Variants in PSMC4 observed in about 807,000 individuals in gnomAD.
The protein encoded by PSMC4 is proteasome 26S subunit, ATPase 4.
PSMC4 carries 13 observed loss-of-function variants against 48.4 expected under a neutral mutation model. The ratio of observed to expected loss-of-function variants is 0.27; its 90% CI spans 0.18 to 0.43. PSMC4 has a LOEUF of 0.43. Ranked by LOEUF, PSMC4 falls within the 20% of genes least tolerant of loss-of-function variation. PSMC4 has a pLI of 1.00. For synonymous variants in PSMC4, 202 were observed against 212.3 expected (o/e 0.95, Z 0.42); for missense variants, 262 against 555.9 (o/e 0.47, Z 5.32).
chr19:39,976,881 ACT>A, intron 6 of PSMC4, among the ~76,000 whole-genome samples: 2 of 89,976 alleles, frequency 2.2e-5, no homozygotes, highest in South Asian at 3.2e-4. Context: ...ACAGAGTCTC[ACT>A]CTGTAGCCCA....
intron 6 of PSMC4, among the ~76,000 whole-genome samples, chr19:39,976,202 A>G (rs1568375628): frequency 6.7e-6 from 1 of 148,218 alleles, no homozygotes; most frequent in East Asian, 2.0e-4. Context: ...ACGCCACTGT[A>G]CTCCAGCCTG....
At chr19:39,971,626 C>A (rs959121272) in intron 1 of PSMC4, among the ~76,000 whole-genome samples, 1 of 152,068 alleles carries the variant, frequency 6.6e-6, no homozygotes, top group African/African-American at 2.4e-5. Flanking sequence ...ATGTTCAGGG[C>A]TTTGCTGATG....
At chr19:39,979,754 T>C in intron 6 of PSMC4, 63 bp from the exon 7 acceptor site, 1 of 1,480,304 alleles carries the variant, frequency 6.8e-7, no homozygotes, top group Non-Finnish European at 9.0e-7. Flanking sequence ...GCAGTTTCTG[T>C]TAAAGCAGAA....
At position 39,980,052 on chromosome 19, in the gene PSMC4, T is replaced by C. The variant is rs747349631; in HGVS notation, c.842-18T>C. 1 of 1,614,076 alleles carries C rather than the reference T, an allele frequency of 6.2e-7. No individual in the cohort carries two copies. Among genetic ancestry groups the C allele is most frequent in the South Asian group, 1.1e-5 (1 of 91,072 alleles). On this transcript the variant is annotated intron_variant, in intron 7 of 10. Transcript: ENST00000157812. This position sits in a 1 kb window ranked among gnomAD's most constrained non-coding sequence, Gnocchi z 4.8. ...GTCGCATGGGATGCCTGGGACTGAC[T>C]GTGCTGTGCACTCTCAGCCGACAGG...
chr19:39,973,581 TAAAAAAAAAAA>T (rs11320252), intron 3 of PSMC4, among the ~76,000 whole-genome samples: 4 of 96,996 alleles, frequency 4.1e-5, no homozygotes, highest in African/African-American at 1.2e-4. Context: ...ACACTCTGTC[TAAAAAAAAAAA>T]AAAAAAAAAA....
In PSMC4 at chr19:39,980,528, G is replaced by A; in HGVS notation, c.1087+74G>A. ...TAGATCTTCAGCTCAACTTCTGCCAGCACCACAGCCCAGACTGTGCAGGTG... is the reference window on the plus strand; with the variant it reads ...TAGATCTTCAGCTCAACTTCTGCCAACACCACAGCCCAGACTGTGCAGGTG... On this transcript the variant is annotated intron_variant, in intron 9 of 10. Transcript: ENST00000157812. The surrounding 1 kb of genome is among the most constrained non-coding windows in gnomAD (Gnocchi z 4.8). 4 of 1,595,690 alleles carry A rather than the reference G, an allele frequency of 2.5e-6. No homozygotes were observed. The highest frequency in any genetic ancestry group is 3.4e-6 in the Non-Finnish European group (4 of 1,164,930).
intron 6 of PSMC4, among the ~76,000 whole-genome samples, chr19:39,976,134 G>T (rs1313682225): frequency 6.6e-6 from 1 of 151,618 alleles, no homozygotes; most frequent in Non-Finnish European, 1.5e-5. Context: ...CTACTTGGGA[G>T]GCTGAGGCAG....
intron 3 of PSMC4, among the ~76,000 whole-genome samples, chr19:39,972,925 T>G (rs1971127965): frequency 6.6e-6 from 1 of 151,980 alleles, no homozygotes; most frequent in Non-Finnish European, 1.5e-5. Flanking sequence ...TTTGTATTAT[T>G]AGTAGAGACA....
chr19:39,976,246 T>A (rs12983811), intron 6 of PSMC4, among the ~76,000 whole-genome samples: 1,620 of 128,072 alleles, frequency 0.013, 11 homozygotes, highest in South Asian at 0.032. Context: ...CCAAAAAAAA[T>A]ATATATATAT....
At position 39,971,175 on chromosome 19, in the gene PSMC4, A is replaced by G. The variant is rs1314832871; in HGVS notation, c.-28A>G. 5.0e-6 allele frequency: 8 copies of G among 1,613,650 alleles called. No homozygotes were observed. In the Admixed American group the frequency reaches 1.3e-4, roughly 27 times the overall value. The stretch of plus-strand genomic sequence containing the variant: ...AGCGGAAGCGGTGACAGATCATCCC[A>G]GGCCACACAGAGGCCGGCTTGGTCA... On this transcript the variant is annotated 5_prime_UTR_variant, in exon 1 of 11. Coordinates refer to ENST00000157812, the MANE Select transcript of PSMC4 (RefSeq NM_006503.4).
At chr19:39,977,861 A>G (rs1406614040) in intron 6 of PSMC4, among the ~76,000 whole-genome samples, 1 of 151,346 alleles carries the variant, frequency 6.6e-6, no homozygotes, top group Admixed American at 6.6e-5. Flanking sequence ...TCTGTCACCC[A>G]GGCTGGAGTG....
intron 1 of PSMC4, 52 bp downstream of exon 1, chr19:39,971,290 G>T (rs757236617): frequency 3.7e-6 from 6 of 1,610,906 alleles, no homozygotes; most frequent in Non-Finnish European, 5.1e-6. Context: ...CGGGGAGAGG[G>T]TGAAGCCAGA....
At chr19:39,973,086 C>T (rs758799993) in intron 3 of PSMC4, among the ~76,000 whole-genome samples, 4 of 152,184 alleles carry the variant, frequency 2.6e-5, no homozygotes, top group Non-Finnish European at 5.9e-5. Context: ...GTATCTGTCT[C>T]TTACTTTTTA....
chr19:39,975,429 G>A (rs1331547751), intron 6 of PSMC4, among the ~76,000 whole-genome samples: 2 of 151,760 alleles, frequency 1.3e-5, no homozygotes, highest in East Asian at 1.9e-4. Flanking sequence ...CTTATTGTAG[G>A]TGCCAGACAA....
Position 39,980,827 on chromosome 19 carries a change from GC to G in PSMC4, c.1143+112del, listed in dbSNP as rs1442205599. 19 of 1,082,516 alleles carry G rather than the reference GC, an allele frequency of 1.8e-5. No individual in the cohort carries two copies. The highest frequency in any genetic ancestry group is 4.3e-6 in the Non-Finnish European group (3 of 702,558). The allele number at this position is 1,082,516 out of a possible 1,614,324, so 67.1% of individuals were successfully genotyped here. On this transcript the variant is annotated intron_variant, in intron 10 of 10. Coordinates refer to ENST00000157812, the MANE Select transcript of PSMC4 (RefSeq NM_006503.4). The surrounding 1 kb of genome is among the most constrained non-coding windows in gnomAD (Gnocchi z 4.8). Reference sequence around the variant, plus strand: ...CTCATGGCTGCCCTGGGTCGTGGGCGCCATCTCTCTCTTCCTCTACCATCAC... The same window carrying G: ...CTCATGGCTGCCCTGGGTCGTGGGCGCATCTCTCTCTTCCTCTACCATCAC...
In PSMC4 at chr19:39,981,462, T is replaced by G; in HGVS notation, c.*157T>G. On this transcript the variant is annotated 3_prime_UTR_variant, in exon 11 of 11. Coordinates refer to ENST00000157812, the MANE Select transcript of PSMC4 (RefSeq NM_006503.4). Reference sequence around the variant, plus strand: ...ATCCATTTAATTTCTTCTTAGAAGTTTAACTCCTTTGGAGAATGTGGGCCT... The same window carrying G: ...ATCCATTTAATTTCTTCTTAGAAGTGTAACTCCTTTGGAGAATGTGGGCCT... 4 of 593,776 alleles carry G rather than the reference T, an allele frequency of 6.7e-6. No individual in the cohort carries two copies. The highest frequency in any genetic ancestry group is 1.2e-5 in the Non-Finnish European group (4 of 332,746). The allele number at this position is 593,776 out of a possible 1,614,324, so 36.8% of individuals were successfully genotyped here.
chr19:39,972,345 C>G (rs1168670774), intron 2 of PSMC4, 24 bp from the exon 3 acceptor site: 6 of 1,612,804 alleles, frequency 3.7e-6, no homozygotes, highest in Admixed American at 1.7e-5. Flanking sequence ...GAGCCATCCC[C>G]TTCTGTCCCC....
At chr19:39,977,822 CA>C (rs1228247125) in intron 6 of PSMC4, among the ~76,000 whole-genome samples, 57 of 141,728 alleles carry the variant, frequency 4.0e-4, no homozygotes, top group Non-Finnish European at 4.5e-4. Context: ...ATTCTGTTTC[CA>C]AAAAAAAAAA....
chr19:39,973,225 T>C (rs752534414), intron 3 of PSMC4, among the ~76,000 whole-genome samples: 7 of 152,160 alleles, frequency 4.6e-5, no homozygotes, highest in Non-Finnish European at 8.8e-5. Context: ...ACCTTCCAAA[T>C]TGATTTCACA....
Sources: allele counts gnomAD v4.1 joint callset (sites outside exome capture counted in the v4.1 genomes callset), GRCh38; gene constraint gnomAD v4.1.1; non-coding constraint Gnocchi (gnomAD v3.1); transcripts MANE v1.5; gene names NCBI Gene and HGNC (gene_info 2026-07-23, HGNC 2026-07-21).